Variants in NRG1 observed in about 807,000 individuals in gnomAD.
NRG1 encodes the protein neuregulin 1.
Under a neutral mutation model 63.8 loss-of-function variants are expected in NRG1, and 18 were observed. That is an observed-to-expected ratio of 0.28 (90% confidence interval 0.19 to 0.42). The LOEUF (loss-of-function observed/expected upper bound fraction) is 0.42. NRG1 is among the 10% of genes least tolerant of loss of function. The pLI is 1.00. For missense variants in NRG1, 762 were observed against 814.7 expected, an observed-to-expected ratio of 0.94 and a Z score of 0.79; for synonymous variants, 302 against 301.3, an observed-to-expected ratio of 1.00 and a Z score of -0.02.
chr8:32,424,743 T>C (rs1817128941), intron 1 of NRG1, among the ~76,000 whole-genome samples: 2 of 152,120 alleles, frequency 1.3e-5, no homozygotes, highest in African/African-American at 4.8e-5. Context: ...GGTGCATTCC[T>C]GTAATCCCAG....
intron 1 of NRG1, among the ~76,000 whole-genome samples, chr8:31,940,720 A>G (rs1585927600): frequency 6.6e-6 from 1 of 152,178 alleles, no homozygotes; most frequent in Non-Finnish European, 1.5e-5. Flanking sequence ...GGGAGATACT[A>G]CAGCCAATAC....
At chr8:31,828,505 C>T (rs1824794516) in intron 1 of NRG1, among the ~76,000 whole-genome samples, 1 of 152,122 alleles carries the variant, frequency 6.6e-6, no homozygotes, top group Non-Finnish European at 1.5e-5. Context: ...GTCCAATAAT[C>T]CCCCGAGGCT....
At chr8:32,440,479 G>T (rs1819394989) in intron 1 of NRG1, among the ~76,000 whole-genome samples, 1 of 152,038 alleles carries the variant, frequency 6.6e-6, no homozygotes, top group African/African-American at 2.4e-5. Flanking sequence ...TTGTATAATG[G>T]CAGGATTATG....
intron 1 of NRG1, among the ~76,000 whole-genome samples, chr8:31,777,942 T>G (rs1314522176): frequency 6.6e-6 from 1 of 152,108 alleles, no homozygotes; most frequent in African/African-American, 2.4e-5. Context: ...CCTCTAACAT[T>G]GGAGATTAAA....
intron 1 of NRG1, among the ~76,000 whole-genome samples, chr8:32,147,768 C>T (rs1837041084): frequency 6.6e-6 from 1 of 152,152 alleles, no homozygotes; most frequent in Non-Finnish European, 1.5e-5. Flanking sequence ...CACACCTATC[C>T]ACGTACGTAT....
At chr8:32,207,643 A>T (rs1844211690) in intron 1 of NRG1, among the ~76,000 whole-genome samples, 1 of 152,180 alleles carries the variant, frequency 6.6e-6, no homozygotes, top group Admixed American at 6.6e-5. Context: ...GCATATGGGG[A>T]GCCTTCCTGT....
chr8:31,795,387 G>A (rs527595008), intron 1 of NRG1, among the ~76,000 whole-genome samples: 2 of 152,244 alleles, frequency 1.3e-5, no homozygotes, highest in East Asian at 3.9e-4. Context: ...TATTGGAAGT[G>A]AATCAGGCAT....
intron 1 of NRG1, among the ~76,000 whole-genome samples, chr8:31,923,693 T>C (rs1585793956): frequency 1.3e-5 from 2 of 151,960 alleles, no homozygotes; most frequent in Middle Eastern, 3.4e-3. Context: ...CAGTTTTTCT[T>C]TTTTTTTAAT....
chr8:32,088,457 CT>C (rs1283982944), intron 1 of NRG1, among the ~76,000 whole-genome samples: 3 of 151,496 alleles, frequency 2.0e-5, no homozygotes, highest in African/African-American at 7.3e-5. Context: ...GAGCAAATAC[CT>C]TTCCTGAGCT....
At chr8:31,927,620 T>C (rs572781388) in intron 1 of NRG1, among the ~76,000 whole-genome samples, 55 of 149,846 alleles carry the variant, frequency 3.7e-4, no homozygotes, top group African/African-American at 1.3e-3. Context: ...GGCTAATTTT[T>C]TGTATTTTTA....
intron 5 of NRG1, among the ~76,000 whole-genome samples, chr8:32,696,678 T>G (rs945870156): frequency 4.8e-4 from 28 of 57,766 alleles, no homozygotes; most frequent in Admixed American, 1.1e-3. Flanking sequence ...TTTTTTTTTT[T>G]GACACAGAGT....
intron 1 of NRG1, among the ~76,000 whole-genome samples, chr8:32,479,878 G>T (rs910018733): frequency 2.6e-5 from 4 of 152,064 alleles, no homozygotes; most frequent in African/African-American, 9.7e-5. Context: ...TCAATCTCCT[G>T]ACCTTGTGAT....
At chr8:32,755,989 G>A (rs961233810) in intron 8 of NRG1, among the ~76,000 whole-genome samples, 3 of 152,016 alleles carry the variant, frequency 2.0e-5, no homozygotes, top group Non-Finnish European at 4.4e-5. Context: ...TAATTCTCTT[G>A]CCTTTGCCTC....
At chr8:32,035,128 A>G (rs1377411927) in intron 1 of NRG1, among the ~76,000 whole-genome samples, 3 of 152,018 alleles carry the variant, frequency 2.0e-5, no homozygotes, top group African/African-American at 7.2e-5. Context: ...TGTGTCCCAG[A>G]TATTCTGATA....
chr8:31,864,342 A>G (rs925814186), intron 1 of NRG1, among the ~76,000 whole-genome samples: 2 of 152,168 alleles, frequency 1.3e-5, no homozygotes, highest in Non-Finnish European at 2.9e-5. Context: ...CAATCATCAC[A>G]CAAGACATTT....
chr8:32,177,879 C>T lies in NRG1; in HGVS notation c.38-417949C>T, dbSNP rs577508601. Among the ~76,000 whole-genome samples the T allele has an allele frequency of 4.6e-5, 7 of 151,690 alleles. No homozygotes were observed. The East Asian group carries it at 7.8e-4, about 17-fold the overall frequency. ...AGGGGGTGTGGTGCCTTGCACAGAC[C>T]GAGAAGGAAGAGAAAGGAAGCAACA... On this transcript the variant is annotated intron_variant, in intron 1 of 10. Coordinates refer to the NRG1 transcript ENST00000519301.
chr8:32,008,969 C>T (rs1814267698), intron 1 of NRG1, among the ~76,000 whole-genome samples: 1 of 151,994 alleles, frequency 6.6e-6, no homozygotes, highest in Admixed American at 6.6e-5. Context: ...ATCCAAACAT[C>T]CAGAAGGTCA....
chr8:32,553,334 G>A (rs1834507734), intron 1 of NRG1, among the ~76,000 whole-genome samples: 2 of 152,072 alleles, frequency 1.3e-5, no homozygotes, highest in South Asian at 2.1e-4. Flanking sequence ...AATTATCTGT[G>A]TCTTTGCAAA....
chr8:31,936,358 G>T (rs1835300967), intron 1 of NRG1, among the ~76,000 whole-genome samples: 1 of 152,082 alleles, frequency 6.6e-6, no homozygotes, highest in Non-Finnish European at 1.5e-5. Context: ...CAGTTAGGGG[G>T]TTTCTTAGAA....
Sources: gnomAD v4.1 joint callset for allele counts (sites outside exome capture counted in the v4.1 genomes callset) on GRCh38, gnomAD v4.1.1 for gene constraint, MANE v1.5 for transcripts, NCBI Gene and HGNC (gene_info 2026-07-23, HGNC 2026-07-21) for gene names.